PCDH15: variants seen among roughly 807,000 people sequenced by gnomAD.
PCDH15 encodes protocadherin related 15.
Under a neutral mutation model 178.5 loss-of-function variants are expected in PCDH15, and 129 were observed. The ratio of observed to expected loss-of-function variants is 0.72; its 90% CI spans 0.63 to 0.84. The LOEUF is 0.84. PCDH15 is among the 40% of genes least tolerant of loss of function. PCDH15 has a pLI of 0.00. For synonymous variants in PCDH15, 800 were observed against 732.0 expected, an observed-to-expected ratio of 1.09 and a Z score of -1.50; for missense variants, 2,230 against 2,099.9, an observed-to-expected ratio of 1.06 and a Z score of -1.21.
At chr10:53,843,194 G>A (rs997695951) in intron 28 of PCDH15, among the ~76,000 whole-genome samples, 1 of 151,782 alleles carries the variant, frequency 6.6e-6, no homozygotes, top group Non-Finnish European at 1.5e-5. Flanking sequence ...AGATCTTTTG[G>A]GACAAAGTAT....
At chr10:55,517,904 G>GGCCTA (rs1384675976) in intron 2 of PCDH15, among the ~76,000 whole-genome samples, 1 of 151,744 alleles carries the variant, frequency 6.6e-6, no homozygotes, top group Non-Finnish European at 1.5e-5. Context: ...CCTAAACCTT[G>GGCCTA]GCCTATGAAG....
At chr10:55,071,837 A>G (rs1012676230) in intron 2 of PCDH15, among the ~76,000 whole-genome samples, 5 of 152,276 alleles carry the variant, frequency 3.3e-5, no homozygotes, top group Admixed American at 3.3e-4. Flanking sequence ...AATTGACCAC[A>G]TACTTGGAAG....
At chr10:55,307,873 CATT>C (rs767654618) in intron 1 of PCDH15, among the ~76,000 whole-genome samples, 105 of 152,006 alleles carry the variant, frequency 6.9e-4, no homozygotes, top group Admixed American at 1.5e-3. Flanking sequence ...GAAAAAATAA[CATT>C]ATGCAATTAT....
intron 26 of PCDH15, among the ~76,000 whole-genome samples, chr10:53,877,987 C>T (rs567910068): frequency 5.8e-4 from 88 of 152,106 alleles, no homozygotes; most frequent in African/African-American, 1.9e-3. Flanking sequence ...TAAATATTCT[C>T]AATCTGATTA....
chr10:54,905,685 A>G (rs996782820), intron 2 of PCDH15, among the ~76,000 whole-genome samples: 7 of 152,136 alleles, frequency 4.6e-5, no homozygotes, highest in Non-Finnish European at 1.0e-4. Flanking sequence ...AATCCTTAGA[A>G]AGCTGGATAG....
intron 3 of PCDH15, among the ~76,000 whole-genome samples, chr10:54,500,912 A>G (rs2080616879): frequency 6.6e-6 from 1 of 152,118 alleles, no homozygotes; most frequent in Non-Finnish European, 1.5e-5. Flanking sequence ...GCGGCCATAA[A>G]AAAGAATGAG....
At chr10:54,108,284 G>A (rs1044185075) in intron 15 of PCDH15, among the ~76,000 whole-genome samples, 3 of 152,114 alleles carry the variant, frequency 2.0e-5, no homozygotes, top group Non-Finnish European at 4.4e-5. Flanking sequence ...CCATCCCCTG[G>A]CAGAAGACAC....
chr10:54,917,420 T>G (rs970981038), intron 2 of PCDH15, among the ~76,000 whole-genome samples: 1 of 152,174 alleles, frequency 6.6e-6, no homozygotes. Context: ...CTAGATGACT[T>G]CAATAAGGGA....
chr10:55,132,969 G>C (rs1474473093), intron 2 of PCDH15, among the ~76,000 whole-genome samples: 1 of 152,134 alleles, frequency 6.6e-6, no homozygotes, highest in African/African-American at 2.4e-5. Context: ...GACAAGTAAA[G>C]CATGGAAACA....
intron 6 of PCDH15, among the ~76,000 whole-genome samples, chr10:54,332,189 A>G (rs2133923410): frequency 7.1e-6 from 1 of 140,960 alleles, no homozygotes. Flanking sequence ...ATAGATAATA[A>G]ATTACCTTTT....
intron 2 of PCDH15, among the ~76,000 whole-genome samples, chr10:55,592,278 G>GT (rs1398993056): frequency 4.9e-4 from 75 of 152,022 alleles, no homozygotes; most frequent in Non-Finnish European, 1.9e-4. Context: ...TGTCAGTGGG[G>GT]TTCAGCCAAT....
intron 21 of PCDH15, among the ~76,000 whole-genome samples, chr10:53,966,277 C>G (rs2089007964): frequency 6.6e-6 from 1 of 152,120 alleles, no homozygotes; most frequent in Non-Finnish European, 1.5e-5. Flanking sequence ...CCCTTGTTAT[C>G]AAAGCACATT....
chr10:54,141,768 C>A (rs2043432474), intron 14 of PCDH15, among the ~76,000 whole-genome samples: 1 of 152,064 alleles, frequency 6.6e-6, no homozygotes, highest in Non-Finnish European at 1.5e-5. Context: ...TACTTGAAAA[C>A]AAAATATGCA....
intron 3 of PCDH15, among the ~76,000 whole-genome samples, chr10:54,441,107 A>T (rs1389704444): frequency 2.0e-5 from 3 of 151,934 alleles, no homozygotes; most frequent in Non-Finnish European, 2.9e-5. Flanking sequence ...ATTTGCTAAA[A>T]GAGGGTTGCA....
intron 3 of PCDH15, among the ~76,000 whole-genome samples, chr10:54,895,887 T>C (rs1954536072): frequency 6.6e-6 from 1 of 152,058 alleles, no homozygotes; most frequent in South Asian, 2.1e-4. Context: ...TAAGGGTATC[T>C]AAGGGTATTT....
chr10:54,894,575 T>C (rs66511024), intron 3 of PCDH15, among the ~76,000 whole-genome samples: 34,266 of 152,104 alleles, frequency 0.23, 4,552 homozygotes, highest in Non-Finnish European at 0.31. Context: ...AGTTCAAATA[T>C]CAGTTATTTG....
chr10:54,731,563 TACACACACAC>T (rs1159070523), intron 1 of PCDH15, among the ~76,000 whole-genome samples: 12 of 49,892 alleles, frequency 2.4e-4, no homozygotes, highest in Non-Finnish European at 3.7e-4. Context: ...TATATATATA[TACACACACAC>T]ACACACACAC....
chr10:53,975,254 G>A (rs2090090912), intron 21 of PCDH15, among the ~76,000 whole-genome samples: 1 of 152,174 alleles, frequency 6.6e-6, no homozygotes, highest in Non-Finnish European at 1.5e-5. Flanking sequence ...ATAAGTGCAT[G>A]TGACTTTTTG....
chr10:55,046,537 T>C (rs886498637), intron 2 of PCDH15, among the ~76,000 whole-genome samples: 4 of 151,832 alleles, frequency 2.6e-5, no homozygotes, highest in South Asian at 2.1e-4. Flanking sequence ...AAAAATAAGG[T>C]TATGAAAAGG....
Sources: allele counts gnomAD v4.1 joint callset (sites outside exome capture counted in the v4.1 genomes callset), GRCh38; gene constraint gnomAD v4.1.1; transcripts MANE v1.5; gene names NCBI Gene and HGNC (gene_info 2026-07-23, HGNC 2026-07-21).